TIE1: variants seen among roughly 807,000 people sequenced by gnomAD.
The protein encoded by TIE1 is tyrosine kinase with immunoglobulin like and EGF like domains 1.
In TIE1, 89 loss-of-function variants were observed where a neutral mutation model predicts 130.5. That is an observed-to-expected ratio of 0.68 (90% CI 0.57 to 0.81). The LOEUF (loss-of-function observed/expected upper bound fraction) is 0.81, where lower values mean the gene tolerates loss of function less well. Among genes scored for constraint, TIE1 ranks in the 40% least tolerant of loss-of-function variants. The probability of loss-of-function intolerance (pLI) is 0.00; values close to 1 mark genes in which losing one functional copy is unlikely to be tolerated. For missense variants in TIE1, 1,392 were observed against 1,559.8 expected, an observed-to-expected ratio of 0.89 and a Z score of 1.81; for synonymous variants, 568 against 629.4, an observed-to-expected ratio of 0.90 and a Z score of 1.46.
Position 43,307,922 on chromosome 1 carries a change from C to T in TIE1, c.1040C>T (p.Ser347Leu). The change falls in exon 7 of 23, where the codon TCA becomes TTA. Residue 347 changes from serine (S) to leucine (L), a missense_variant and splice_region_variant. By Grantham distance (145) the Ser-to-Leu change is moderately radical. Coordinates refer to ENST00000372476, the MANE Select transcript of TIE1 (RefSeq NM_005424.5). This position sits in a 1 kb window ranked among gnomAD's most constrained non-coding sequence, Gnocchi z 5.4. ...SGWHGVHCEKSDRIPQILNMA... is the reference protein window; with the variant it reads ...SGWHGVHCEKLDRIPQILNMA... ...TGGCATGGAGTGCACTGTGAGAAGT[C>T]AGGTATAAGCACTATGACCTCTGAG... The T allele has an allele frequency of 6.2e-7, 1 of 1,614,076 alleles. No homozygotes were observed. The highest frequency in any genetic ancestry group is 8.5e-7 in the Non-Finnish European group (1 of 1,179,968).
chr1:43,310,765 C>T (rs1212957729), intron 9 of TIE1, among the ~76,000 whole-genome samples: 1 of 152,178 alleles, frequency 6.6e-6, no homozygotes, highest in Non-Finnish European at 1.5e-5. Flanking sequence ...CCAAAGGCAC[C>T]AAGGGCTTCT....
In TIE1 at chr1:43,313,838, A is replaced by G; in HGVS notation, c.2279A>G (p.Gln760Arg). 1.2e-6 allele frequency: 2 copies of G among 1,614,118 alleles called. No individual in the cohort carries two copies. The highest frequency in any genetic ancestry group is 4.5e-5 in the East Asian group (2 of 44,870). Reference sequence around the variant, plus strand: ...GCAGCTGAAGAGGGCCTGGATCAGCAGCTGATCCTGGCGGTGGTGGGCTCC... The same window carrying G: ...GCAGCTGAAGAGGGCCTGGATCAGCGGCTGATCCTGGCGGTGGTGGGCTCC... ...SRAAEEGLDQQLILAVVGSVS... is the reference protein window; with the variant it reads ...SRAAEEGLDQRLILAVVGSVS... Residue 760 changes from glutamine (Q) to arginine (R), a missense_variant, in exon 14 of 23, where the codon CAG (glutamine) becomes CGG (arginine). Gln to Arg is a conservative substitution (Grantham distance 43, BLOSUM62 1). Around this residue, in one of 6 missense-constraint regions of TIE1, gnomAD observed 286 missense variants for 354.4 expected, o/e 0.81. Transcript: ENST00000372476. The surrounding 1 kb of genome is among the most constrained non-coding windows in gnomAD (Gnocchi z 6.2).
chr1:43,310,164 T>G (rs1166439332), intron 9 of TIE1, among the ~76,000 whole-genome samples: 1 of 150,428 alleles, frequency 6.6e-6, no homozygotes, highest in African/African-American at 2.5e-5. Context: ...GTAAGCCCCC[T>G]CTCTCACCTT....
At position 43,301,148 on chromosome 1, in the gene TIE1, C is replaced by T. The variant is rs565149951; in HGVS notation, c.58+19C>T. 120 of 1,608,370 alleles carry T rather than the reference C, an allele frequency of 7.5e-5. 2 individuals carry two copies. The South Asian group carries it at 1.3e-3, about 17-fold the overall frequency. On this transcript the variant is annotated intron_variant, in intron 1 of 22. Coordinates refer to ENST00000372476, the MANE Select transcript of TIE1 (RefSeq NM_005424.5). ...CATGTGGGTAAGTCTCCCCTGAGTC[C>T]CTCACCCCATTTCTAGGCCCCGAGG...
Position 43,313,258 on chromosome 1 carries a change from C to T in TIE1, c.2051C>T (p.Ala684Val). The change falls in exon 13 of 23, where the codon GCT (alanine) becomes GTT (valine). Residue 684 changes from alanine to valine, a missense_variant. This residue lies in a region of TIE1 where 551 missense variants were observed against 565.5 expected (regional missense o/e 0.97). Coordinates refer to ENST00000372476, the MANE Select transcript of TIE1 (RefSeq NM_005424.5). This position sits in a 1 kb window ranked among gnomAD's most constrained non-coding sequence, Gnocchi z 6.2. ...AAGTACGTTGTGGAGGTGCAGGTGG[C>T]TGGGGGTGCAGGAGACCCACTGTGG... Reference protein sequence around the residue: ...ISKYVVEVQVAGGAGDPLWID... With the variant: ...ISKYVVEVQVVGGAGDPLWID... 3.7e-6 allele frequency: 6 copies of T among 1,614,028 alleles called. No homozygotes were observed. Among genetic ancestry groups the T allele is most frequent in the Non-Finnish European group, 5.1e-6 (6 of 1,179,934 alleles).
chr1:43,314,277 T>G, intron 14 of TIE1: 2 of 910,250 alleles, frequency 2.2e-6, no homozygotes, highest in South Asian at 3.6e-5. Flanking sequence ...AATTGGAGAT[T>G]TTCCTCTCCC....
At position 43,315,718 on chromosome 1, in the gene TIE1, T is replaced by C. The variant is rs907978734; in HGVS notation, c.2410-1481T>C. ...CTTTGTTCCAAGCTGTGTTGGCTCT[T>C]CCTCTGAGGTCAGTGCACACAGAAA... On this transcript the variant is annotated intron_variant, in intron 14 of 22. Transcript: ENST00000372476. The surrounding 1 kb of genome is among the most constrained non-coding windows in gnomAD (Gnocchi z 4.4). 1.3e-5 allele frequency among the ~76,000 whole-genome samples: 2 copies of C among 152,078 alleles called. No homozygotes were observed. The highest frequency in any genetic ancestry group is 4.8e-5 in the African/African-American group (2 of 41,424).
Position 43,317,829 on chromosome 1 carries a change from C to T in TIE1, c.2732-53C>T. On this transcript the variant is annotated intron_variant, in intron 16 of 22. Transcript: ENST00000372476. This position sits in a 1 kb window ranked among gnomAD's most constrained non-coding sequence, Gnocchi z 5.1. ...TCTGTTACCATCGGGTGCCTGCTCC[C>T]ACCCTAGGTTGCCTGTGTCTAAATC... 6.3e-7 allele frequency: 1 copy of T among 1,596,836 alleles called. No individual in the cohort carries two copies. Among genetic ancestry groups the T allele is most frequent in the Non-Finnish European group, 8.6e-7 (1 of 1,166,742 alleles).
chr1:43,308,804 C>G, intron 7 of TIE1, 182 bp from the exon 8 acceptor site: 1 of 778,876 alleles, frequency 1.3e-6, no homozygotes, highest in South Asian at 1.5e-5. Flanking sequence ...AGGAAGTAGA[C>G]TTTGCAGCTG....
Position 43,305,299 on chromosome 1 carries a change from G to C in TIE1, c.440G>C (p.Arg147Pro). The C allele has an allele frequency of 6.2e-7, 1 of 1,602,458 alleles. No homozygotes were observed. Among genetic ancestry groups the C allele is most frequent in the Non-Finnish European group, 8.5e-7 (1 of 1,171,326 alleles). Residue 147 changes from arginine (R) to proline (P), a missense_variant, in exon 3 of 23, where the codon CGT becomes CCT. Around this residue, in one of 6 missense-constraint regions of TIE1, gnomAD observed 415 missense variants for 424.8 expected, o/e 0.98. Coordinates refer to ENST00000372476, the MANE Select transcript of TIE1 (RefSeq NM_005424.5). Reference protein sequence around the residue: ...NKGDTAVLSARVHKEKQTDVI... With the variant: ...NKGDTAVLSAPVHKEKQTDVI... ...GGTGACACCGCTGTACTTTCTGCAC[G>C]TGTGCACAAGGAGAAGCAGACAGAC...
At position 43,321,324 on chromosome 1, in the gene TIE1, C is replaced by T. The variant is rs200244127; in HGVS notation, c.3148+15C>T. 6.8e-5 allele frequency: 110 copies of T among 1,614,034 alleles called. No homozygotes were observed. The East Asian group carries it at 2.3e-3, about 33-fold the overall frequency. ...AGTGAGCCTTGGTGAGTTCCTGATCCCCGTCCCCCAGAGTGCCCCACCTTA... is the reference window on the plus strand; with the variant it reads ...AGTGAGCCTTGGTGAGTTCCTGATCTCCGTCCCCCAGAGTGCCCCACCTTA... On this transcript the variant is annotated intron_variant, in intron 20 of 22. Coordinates refer to ENST00000372476, the MANE Select transcript of TIE1 (RefSeq NM_005424.5).
chr1:43,313,681 C>A lies in TIE1; in HGVS notation c.2219-97C>A. 7.5e-7 allele frequency: 1 copy of A among 1,339,584 alleles called. No homozygotes were observed. The highest frequency in any genetic ancestry group is 1.0e-6 in the Non-Finnish European group (1 of 993,396). 83.0% of individuals were successfully genotyped at this position (1,339,584 alleles called of 1,614,324 possible). A position where few individuals can be genotyped will look rare whatever the true frequency, so the allele number is the denominator to read the frequency against. ...AAGTGATTTCCTGACAGTCCTGGCA[C>A]TGGGATCTTTCACCTCTCCCTCTGT... On this transcript the variant is annotated intron_variant, in intron 13 of 22. Transcript: ENST00000372476. The surrounding 1 kb of genome is among the most constrained non-coding windows in gnomAD (Gnocchi z 6.2).
In TIE1 at chr1:43,312,697, A is replaced by AATGGAC; in HGVS notation, c.1927+102_1927+107dup. The AATGGAC allele has an allele frequency of 7.1e-7, 1 of 1,399,266 alleles. No homozygotes were observed. The highest frequency in any genetic ancestry group is 9.6e-7 in the Non-Finnish European group (1 of 1,038,136). 86.7% of individuals were successfully genotyped at this position (1,399,266 alleles called of 1,614,324 possible). ...GAGACACGGGAGGCTGTAGGAGATTAATGGACATGGAGAGGACACAGGACA... is the reference window on the plus strand; with the variant it reads ...GAGACACGGGAGGCTGTAGGAGATTAATGGACATGGACATGGAGAGGACACAGGACA... On this transcript the variant is annotated intron_variant, in intron 12 of 22. Coordinates refer to ENST00000372476, the MANE Select transcript of TIE1 (RefSeq NM_005424.5). The surrounding 1 kb of genome is among the most constrained non-coding windows in gnomAD (Gnocchi z 5.6).
Position 43,322,592 on chromosome 1 carries a change from A to G in TIE1, c.3346-59A>G, listed in dbSNP as rs532442664. ...TGCCCCCACCACATGGAAGTCCAGG[A>G]GCTTGAGGCCAGATGCACCCCCATT... On this transcript the variant is annotated intron_variant, in intron 22 of 22. Transcript: ENST00000372476. The surrounding 1 kb of genome is among the most constrained non-coding windows in gnomAD (Gnocchi z 4.0). 1.2e-4 allele frequency: 170 copies of G among 1,395,294 alleles called. No individual in the cohort carries two copies. The highest frequency in any genetic ancestry group is 9.2e-4 in the South Asian group (79 of 85,574). 86.4% of individuals were successfully genotyped at this position (1,395,294 alleles called of 1,614,324 possible).
At chr1:43,302,754 G>A (rs895362930) in intron 1 of TIE1, among the ~76,000 whole-genome samples, 8 of 152,088 alleles carry the variant, frequency 5.3e-5, no homozygotes, top group Non-Finnish European at 7.4e-5. Flanking sequence ...ACAAGGTCAG[G>A]TTTGGTCTTA....
rs200594644 is a variant in TIE1, at chr1:43,322,756, C to T, written c.*34C>T. On this transcript the variant is annotated 3_prime_UTR_variant, in exon 23 of 23. Coordinates refer to ENST00000372476, the MANE Select transcript of TIE1 (RefSeq NM_005424.5). The surrounding 1 kb of genome is among the most constrained non-coding windows in gnomAD (Gnocchi z 4.0). ...CCAGCCAGAACGTGGCTCTGCTGGC[C>T]GGAGCAAACTCTGCTGTCTAACCTG... 137 of 1,602,642 alleles carry T rather than the reference C, an allele frequency of 8.5e-5. No individual in the cohort carries two copies. Among genetic ancestry groups the T allele is most frequent in the Admixed American group, 2.7e-4 (16 of 59,818 alleles).
chr1:43,318,022 C>T lies in TIE1; in HGVS notation c.2872C>T (p.Arg958Cys), dbSNP rs550355292. Reference protein sequence around the residue: ...ASTLSSRQLLRFASDAANGMQ... With the variant: ...ASTLSSRQLLCFASDAANGMQ... Reference sequence around the variant, plus strand: ...TACCCTTAGCTCCCGGCAGCTGCTGCGTTTCGCCAGTGATGCGGCCAATGG... The same window carrying T: ...TACCCTTAGCTCCCGGCAGCTGCTGTGTTTCGCCAGTGATGCGGCCAATGG... Residue 958 changes from arginine (R) to cysteine (C), a missense_variant, in exon 17 of 23, where the codon CGT (arginine) becomes TGT (cysteine). Arg to Cys is a radical substitution (Grantham distance 180, BLOSUM62 -3). Transcript: ENST00000372476. This position sits in a 1 kb window ranked among gnomAD's most constrained non-coding sequence, Gnocchi z 4.4. 3.8e-6 allele frequency: 6 copies of T among 1,588,592 alleles called. No homozygotes were observed. The highest frequency in any genetic ancestry group is 2.7e-5 in the African/African-American group (2 of 74,312).
At position 43,317,487 on chromosome 1, in the gene TIE1, C is replaced by T; in HGVS notation, c.2621-77C>T. 1.2e-6 allele frequency: 2 copies of T among 1,608,322 alleles called. No homozygotes were observed. The highest frequency in any genetic ancestry group is 1.7e-6 in the Non-Finnish European group (2 of 1,174,718). The stretch of plus-strand genomic sequence containing the variant: ...ATCCCAGGCCCCACCTGGCTTCCTC[C>T]AGCAATTGACCCCAGCCCTTGCCAG... On this transcript the variant is annotated intron_variant, in intron 15 of 22. Transcript: ENST00000372476. This position sits in a 1 kb window ranked among gnomAD's most constrained non-coding sequence, Gnocchi z 5.1.
chr1:43,307,417 ACACT>A lies in TIE1; in HGVS notation c.773-13_773-10del, dbSNP rs768688855. 2 of 1,613,768 alleles carry A rather than the reference ACACT, an allele frequency of 1.2e-6. No individual in the cohort carries two copies. The highest frequency in any genetic ancestry group is 1.7e-6 in the Non-Finnish European group (2 of 1,179,938). The stretch of plus-strand genomic sequence containing the variant: ...GCCCACAGAGGCCCATACACCCCAC[ACACT>A]CTCTTTCTAGCCTGCAGAGAGGGCC... On this transcript the variant is annotated splice_polypyrimidine_tract_variant and intron_variant, in intron 5 of 22. Coordinates refer to ENST00000372476, the MANE Select transcript of TIE1 (RefSeq NM_005424.5). This position sits in a 1 kb window ranked among gnomAD's most constrained non-coding sequence, Gnocchi z 5.4.
Sources: allele counts gnomAD v4.1 joint callset (sites outside exome capture counted in the v4.1 genomes callset), GRCh38; gene constraint gnomAD v4.1.1; regional missense constraint gnomAD v4.1.1; non-coding constraint Gnocchi (gnomAD v3.1); transcripts MANE v1.5; gene names NCBI Gene and HGNC (gene_info 2026-07-23, HGNC 2026-07-21).